Variants in NPSR1 observed in about 807,000 individuals in gnomAD.
The protein encoded by NPSR1 is neuropeptide S receptor.
Under a neutral mutation model 46.9 loss-of-function variants are expected in NPSR1, and 48 were observed. That is an observed-to-expected ratio of 1.02 (90% CI 0.81 to 1.30). NPSR1 has a LOEUF of 1.30. Ranked by LOEUF, NPSR1 falls within the 50% of genes most tolerant of loss-of-function variation. NPSR1 has a pLI of 0.00. For synonymous variants in NPSR1, 176 were observed against 168.1 expected (o/e 1.05, Z -0.36); for missense variants, 450 against 449.5 (o/e 1.00, Z -0.01).
chr7:34,792,653 GTA>G (rs1301581148), intron 3 of NPSR1, among the ~76,000 whole-genome samples: 12 of 89,462 alleles, frequency 1.3e-4, no homozygotes, highest in East Asian at 3.3e-4. Flanking sequence ...ATATATATAT[GTA>G]TATATATATT....
rs769954726 is a variant in NPSR1, at chr7:34,827,408, A to G, written c.486A>G (p.Gln162=). The change falls in exon 5 of 9, where the codon CAA becomes CAG. Residue 162 remains glutamine (Q), a synonymous_variant. Coordinates refer to ENST00000360581, the MANE Select transcript of NPSR1 (RefSeq NM_207172.2). ...TCTCTTTTCTTTGGGCAGAAAAGCA[A>G]GCCAGGGTCCTCATTGTGATCGCCT... ...YPMKFLQGEK[Q]ARVLIVIAWS... is the part of the protein sequence containing the mutation. 55 of 1,613,938 alleles carry G rather than the reference A, an allele frequency of 3.4e-5. No individual in the cohort carries two copies. The Middle Eastern group carries it at 9.9e-4, about 29-fold the overall frequency.
intron 7 of NPSR1, among the ~76,000 whole-genome samples, chr7:34,846,467 TA>T (rs758883631): frequency 2.6e-5 from 4 of 152,034 alleles, no homozygotes; most frequent in Non-Finnish European, 2.9e-5. Context: ...GCCCAAAAAA[TA>T]ATATAAAAGA....
chr7:34,781,111 T>C (rs1399818399), intron 3 of NPSR1, among the ~76,000 whole-genome samples: 1 of 152,154 alleles, frequency 6.6e-6, no homozygotes, highest in Non-Finnish European at 1.5e-5. Flanking sequence ...CACTGAGCTG[T>C]AACCTGTGAA....
At position 34,658,454 on chromosome 7, in the gene NPSR1, G is replaced by C. The variant is rs1334113743; in HGVS notation, c.42G>C (p.Gly14=). Reference sequence around the variant, plus strand: ...CAGAGGGCAGCTTCGATTCCAGTGGGACCGGGCAGACGCTGGATTCTTCCC... The same window carrying C: ...CAGAGGGCAGCTTCGATTCCAGTGGCACCGGGCAGACGCTGGATTCTTCCC... The part of the protein sequence containing the change: ...NFTEGSFDSS[G]TGQTLDSSPV... Residue 14 remains glycine (G), a synonymous_variant, in exon 1 of 9, where the codon GGG becomes GGC. Coordinates refer to ENST00000360581, the MANE Select transcript of NPSR1 (RefSeq NM_207172.2). 6.2e-7 allele frequency: 1 copy of C among 1,614,188 alleles called. No homozygotes were observed. Among genetic ancestry groups the C allele is most frequent in the Non-Finnish European group, 8.5e-7 (1 of 1,180,006 alleles).
At chr7:34,733,429 A>G (rs559060023) in intron 2 of NPSR1, among the ~76,000 whole-genome samples, 17 of 151,826 alleles carry the variant, frequency 1.1e-4, no homozygotes, top group South Asian at 6.2e-4. Context: ...AAAAAAAAAA[A>G]AAAAAGAAAA....
At chr7:34,711,772 G>A (rs984448723) in intron 2 of NPSR1, among the ~76,000 whole-genome samples, 2 of 152,372 alleles carry the variant, frequency 1.3e-5, no homozygotes, top group Admixed American at 6.5e-5. Flanking sequence ...TTGGGTGGTT[G>A]AGACTTGTGC....
chr7:34,703,064 T>C (rs1314492020), intron 2 of NPSR1, among the ~76,000 whole-genome samples: 1 of 152,240 alleles, frequency 6.6e-6, no homozygotes, highest in Non-Finnish European at 1.5e-5. Flanking sequence ...AATTTGCTTA[T>C]TATCAAAAGG....
intron 3 of NPSR1, among the ~76,000 whole-genome samples, chr7:34,782,165 C>T (rs1787258556): frequency 6.6e-6 from 1 of 152,126 alleles, no homozygotes; most frequent in Admixed American, 6.6e-5. Context: ...TACCATGCAG[C>T]AGAAGGGGCA....
At chr7:34,776,668 C>A (rs531740835) in intron 2 of NPSR1, among the ~76,000 whole-genome samples, 1 of 152,272 alleles carries the variant, frequency 6.6e-6, no homozygotes, top group South Asian at 2.1e-4. Context: ...ATCCGTTCAG[C>A]CACTTGGTGA....
chr7:34,754,687 C>T (rs1785729939), intron 2 of NPSR1, among the ~76,000 whole-genome samples: 1 of 152,114 alleles, frequency 6.6e-6, no homozygotes, highest in Non-Finnish European at 1.5e-5. Flanking sequence ...AACTGAGTGG[C>T]TTTTAATATA....
At chr7:34,685,486 G>A (rs1046567795) in intron 2 of NPSR1, among the ~76,000 whole-genome samples, 2 of 150,696 alleles carry the variant, frequency 1.3e-5, no homozygotes, top group African/African-American at 5.0e-5. Flanking sequence ...AGCTTAATTT[G>A]GATCAGACTA....
intron 2 of NPSR1, among the ~76,000 whole-genome samples, chr7:34,729,848 C>T (rs1282664985): frequency 6.6e-6 from 1 of 152,240 alleles, no homozygotes; most frequent in Non-Finnish European, 1.5e-5. Flanking sequence ...TCTCAACTCA[C>T]TGCAACCTCC....
intron 3 of NPSR1, among the ~76,000 whole-genome samples, chr7:34,805,222 T>C (rs1025215825): frequency 6.6e-6 from 1 of 151,742 alleles, no homozygotes; most frequent in East Asian, 1.9e-4. Flanking sequence ...GAATAACCAA[T>C]GCAATATTAA....
chr7:34,781,586 C>T lies in NPSR1; in HGVS notation c.384+3021C>T, dbSNP rs191264786. Among the ~76,000 whole-genome samples the T allele has an allele frequency of 2.3e-3, 351 of 152,268 alleles. 3 individuals are homozygous for T. The highest frequency in any genetic ancestry group is 8.1e-3 in the African/African-American group (335 of 41,544). On this transcript the variant is annotated intron_variant, in intron 3 of 8. Coordinates refer to ENST00000360581, the MANE Select transcript of NPSR1 (RefSeq NM_207172.2). ...TCCACAGGAGACACTAGCATCTTTTCCCACTGAGTAACCAACAGTCATTCC... is the reference window on the plus strand; with the variant it reads ...TCCACAGGAGACACTAGCATCTTTTTCCACTGAGTAACCAACAGTCATTCC...
Position 34,689,620 on chromosome 7 carries a change from A to AAAAAAAAAAAAAAAG in NPSR1, c.280+4941_280+4955dup, listed in dbSNP as rs1554306723. 6.7e-4 allele frequency among the ~76,000 whole-genome samples: 84 copies of AAAAAAAAAAAAAAAG among 126,272 alleles called. 1 individual carries two copies. The highest frequency in any genetic ancestry group is 1.2e-3 in the African/African-American group (35 of 28,946). 82.8% of individuals were successfully genotyped at this position (126,272 alleles called of 152,430 possible). A position where few individuals can be genotyped will look rare whatever the true frequency, so the allele number is the denominator to read the frequency against. ...ACTCTGTCTCAAAAAAAAAAAAAAA[A>AAAAAAAAAAAAAAAG]AAAAAAAAAAAAAAGAAAAGAAAAG... On this transcript the variant is annotated intron_variant, in intron 2 of 8. Coordinates refer to ENST00000360581, the MANE Select transcript of NPSR1 (RefSeq NM_207172.2).
chr7:34,848,123 A>G (rs1247245367), intron 7 of NPSR1, among the ~76,000 whole-genome samples: 1 of 152,196 alleles, frequency 6.6e-6, no homozygotes, highest in Non-Finnish European at 1.5e-5. Flanking sequence ...AGAGTCTTCA[A>G]AGTATTTTGC....
chr7:34,763,262 G>A (rs1786262206), intron 2 of NPSR1, among the ~76,000 whole-genome samples: 1 of 152,126 alleles, frequency 6.6e-6, no homozygotes, highest in Non-Finnish European at 1.5e-5. Context: ...TTTCCTTCCA[G>A]CATCTTTATT....
intron 4 of NPSR1, among the ~76,000 whole-genome samples, chr7:34,812,217 T>C (rs17199659): frequency 0.12 from 18,731 of 152,184 alleles, 1,438 homozygotes; most frequent in Non-Finnish European, 0.17. Flanking sequence ...TCCAAAGAAA[T>C]GAACTCTCCC....
intron 2 of NPSR1, chr7:34,761,117 G>C (rs1786153177): frequency 6.5e-6 from 1 of 152,800 alleles, no homozygotes. Context: ...CTTACCTCCT[G>C]CTTCACACTG....
Sources: allele counts gnomAD v4.1 joint callset (sites outside exome capture counted in the v4.1 genomes callset), GRCh38; gene constraint gnomAD v4.1.1; transcripts MANE v1.5; gene names NCBI Gene and HGNC (gene_info 2026-07-23, HGNC 2026-07-21).